The following SLC38A6 variants were observed in gnomAD, a reference collection of about 807,000 sequenced individuals.
SLC38A6 encodes solute carrier family 38 member 6.
SLC38A6 carries 73 observed loss-of-function variants against 65.0 expected under a neutral mutation model. The ratio of observed to expected loss-of-function variants is 1.12; its 90% CI spans 0.93 to 1.37. The LOEUF (loss-of-function observed/expected upper bound fraction) is 1.37, where lower values mean the gene tolerates loss of function less well. Among genes scored for constraint, SLC38A6 ranks in the 40% most tolerant of loss-of-function variants. The pLI, the probability that SLC38A6 is intolerant of heterozygous loss-of-function variation, is 0.00. For missense variants in SLC38A6, 561 were observed against 531.1 expected (o/e 1.06, Z -0.55); for synonymous variants, 183 against 178.8 (o/e 1.02, Z -0.19).
At chr14:61,005,747 G>A (rs1175997468) in intron 3 of SLC38A6, among the ~76,000 whole-genome samples, 4 of 152,144 alleles carry the variant, frequency 2.6e-5, no homozygotes, top group East Asian at 3.9e-4. Flanking sequence ...CATGAAAATC[G>A]CCATACTGCC....
At chr14:61,042,997 T>C (rs140610914) in intron 8 of SLC38A6, 150 bp from the exon 9 acceptor site, 153 of 534,110 alleles carry the variant, frequency 2.9e-4, no homozygotes, top group African/African-American at 2.6e-3. Context: ...ATGTTAAATG[T>C]TGACCCCATT....
intron 3 of SLC38A6, among the ~76,000 whole-genome samples, chr14:60,990,840 C>T (rs1474989930): frequency 1.3e-5 from 2 of 152,076 alleles, no homozygotes; most frequent in Non-Finnish European, 2.9e-5. Context: ...TGCGTCACCA[C>T]ACCTGGCTCA....
intron 3 of SLC38A6, among the ~76,000 whole-genome samples, chr14:61,015,584 A>G (rs1319548693): frequency 2.6e-5 from 4 of 152,260 alleles, no homozygotes; most frequent in East Asian, 1.9e-4. Flanking sequence ...AACCGTCACT[A>G]CTGAGAAAAA....
intron 5 of SLC38A6, among the ~76,000 whole-genome samples, chr14:61,021,654 T>A (rs543569181): frequency 2.6e-4 from 39 of 152,268 alleles, no homozygotes; most frequent in African/African-American, 7.0e-4. Flanking sequence ...AACTTTTTTT[T>A]AAAAAGGTGA....
chr14:61,027,784 A>C (rs2139639556), intron 5 of SLC38A6, among the ~76,000 whole-genome samples: 1 of 152,200 alleles, frequency 6.6e-6, no homozygotes, highest in East Asian at 1.9e-4. Context: ...TGATTAAGAA[A>C]AAAATAATTT....
rs1051409347 is a variant in SLC38A6 at position 61,015,968 on chromosome 14, T to C, written c.363+12T>C. Reference sequence around the variant, plus strand: ...GATTACCTGGAAAGGTAATTTTTTTTCCTCCTCATTGTGTCCAAAACCCAA... The same window carrying C: ...GATTACCTGGAAAGGTAATTTTTTTCCCTCCTCATTGTGTCCAAAACCCAA... On this transcript the variant is annotated intron_variant, in intron 4 of 15. Transcript: ENST00000267488. 2 of 1,603,922 alleles carry C rather than the reference T, an allele frequency of 1.2e-6. No homozygotes were observed. Among genetic ancestry groups the C allele is most frequent in the Middle Eastern group, 1.7e-4 (1 of 6,036 alleles).
At chr14:60,988,813 C>G (rs910128424) in intron 3 of SLC38A6, among the ~76,000 whole-genome samples, 5 of 152,210 alleles carry the variant, frequency 3.3e-5, no homozygotes, top group Non-Finnish European at 5.9e-5. Context: ...TCATATTTCC[C>G]TGGTAAAATT....
At chr14:60,987,021 C>CT (rs33922839) in intron 3 of SLC38A6, 373,437 of 420,442 alleles carry the variant, frequency 0.89, 167,626 homozygotes, top group Non-Finnish European at 0.96. Context: ...ATCTGTTTCT[C>CT]TTCTTTTTTC....
At chr14:61,004,304 A>T (rs1048650796) in intron 3 of SLC38A6, 6 of 152,098 alleles carry the variant, frequency 3.9e-5, no homozygotes, top group African/African-American at 1.4e-4. Flanking sequence ...AGCCTTTTTG[A>T]TGGGTATTAC....
chr14:60,984,615 C>T, intron 2 of SLC38A6, 115 bp from the exon 3 acceptor site: 1 of 777,860 alleles, frequency 1.3e-6, no homozygotes, highest in Non-Finnish European at 2.3e-6. Flanking sequence ...AATTCTGCTA[C>T]TCAGAGATAG....
At chr14:61,013,080 C>T (rs1654048704) in intron 3 of SLC38A6, among the ~76,000 whole-genome samples, 1 of 152,132 alleles carries the variant, frequency 6.6e-6, no homozygotes, top group African/African-American at 2.4e-5. Context: ...GTATTGGGTG[C>T]ATATATATTT....
chr14:60,986,960 T>C, intron 3 of SLC38A6: 1 of 292,146 alleles, frequency 3.4e-6, no homozygotes, highest in Non-Finnish European at 6.6e-6. Flanking sequence ...TTTAAGATTC[T>C]GACACTGTGT....
intron 3 of SLC38A6, chr14:60,987,168 C>CT: frequency 6.5e-5 from 14 of 216,294 alleles, no homozygotes; most frequent in South Asian, 2.3e-4. Context: ...GTAGGCTTTT[C>CT]CTTTTTTTTT....
chr14:61,004,695 A>G (rs2038959646), intron 3 of SLC38A6: 1 of 152,314 alleles, frequency 6.6e-6, no homozygotes. Context: ...GCAATAATCA[A>G]TAGCTTACCA....
At chr14:61,020,703 C>G (rs2040301320) in intron 5 of SLC38A6, among the ~76,000 whole-genome samples, 1 of 152,192 alleles carries the variant, frequency 6.6e-6, no homozygotes, top group East Asian at 1.9e-4. Flanking sequence ...GAAAACCAGT[C>G]TCTTCATTTA....
chr14:60,992,182 G>A (rs1187856338), intron 3 of SLC38A6, among the ~76,000 whole-genome samples: 3 of 152,132 alleles, frequency 2.0e-5, no homozygotes, highest in East Asian at 1.9e-4. Context: ...ATAGGTTGAC[G>A]ACTCTCATCC....
At chr14:60,984,963 C>G (rs954679856) in intron 3 of SLC38A6, among the ~76,000 whole-genome samples, 160 bp downstream of exon 3, 1 of 151,976 alleles carries the variant, frequency 6.6e-6, no homozygotes, top group Non-Finnish European at 1.5e-5. Context: ...ATATACAGAC[C>G]CAATACTGTG....
intron 6 of SLC38A6, among the ~76,000 whole-genome samples, chr14:61,035,850 C>G (rs2041322003): frequency 6.6e-6 from 1 of 152,146 alleles, no homozygotes; most frequent in Admixed American, 6.6e-5. Flanking sequence ...ATGTATCTCA[C>G]ATATTGCTCA....
At chr14:61,061,095 G>T (rs1051727560) in intron 15 of SLC38A6, among the ~76,000 whole-genome samples, 4 of 152,088 alleles carry the variant, frequency 2.6e-5, no homozygotes, top group Non-Finnish European at 4.4e-5. Context: ...CGTCGCTCAC[G>T]CTGGGAGCTG....
Sources: allele counts gnomAD v4.1 joint callset (sites outside exome capture counted in the v4.1 genomes callset), GRCh38; gene constraint gnomAD v4.1.1; transcripts MANE v1.5; gene names NCBI Gene and HGNC (gene_info 2026-07-23, HGNC 2026-07-21).